The following PTPN12 variants were observed in gnomAD, a reference collection of about 807,000 sequenced individuals.
The protein encoded by PTPN12 is protein tyrosine phosphatase non-receptor type 12, also known as tyrosine-protein phosphatase non-receptor type 12.
A neutral mutation model predicts 97.6 loss-of-function variants in PTPN12; 29 were observed. The ratio of observed to expected loss-of-function variants is 0.30; its 90% CI spans 0.22 to 0.41. The LOEUF (loss-of-function observed/expected upper bound fraction) is 0.41. PTPN12 is among the 10% of genes least tolerant of loss of function. The pLI is 1.00. For missense variants in PTPN12, 819 were observed against 926.0 expected, an observed-to-expected ratio of 0.88 and a Z score of 1.50; for synonymous variants, 327 against 300.4, an observed-to-expected ratio of 1.09 and a Z score of -0.91.
At position 77,637,067 on chromosome 7, in the gene PTPN12, T is replaced by C. The variant is rs751700937; in HGVS notation, c.2173+19T>C. 12 of 1,590,628 alleles carry C rather than the reference T, an allele frequency of 7.5e-6. No homozygotes were observed. In the Admixed American group the frequency reaches 1.0e-4, roughly 13 times the overall value. On this transcript the variant is annotated intron_variant, in intron 16 of 17. Transcript: ENST00000248594. The stretch of plus-strand genomic sequence containing the variant: ...AAATGTGGTAAGTTGTTAGATTTTT[T>C]TTTTCCTTTTTACTGTAGATTTTAT...
At chr7:77,598,908 AAGTT>A (rs1335636123) in intron 7 of PTPN12, among the ~76,000 whole-genome samples, 1 of 151,084 alleles carries the variant, frequency 6.6e-6, no homozygotes, top group Admixed American at 6.6e-5. Flanking sequence ...AAAGCATGTG[AAGTT>A]AGTTTTTGTC....
intron 5 of PTPN12, among the ~76,000 whole-genome samples, chr7:77,586,709 T>C (rs1312492097): frequency 1.3e-5 from 2 of 152,248 alleles, no homozygotes; most frequent in Non-Finnish European, 2.9e-5. Context: ...ACAGTAGAAC[T>C]ACTTGGCAAA....
chr7:77,540,459 A>C (rs1806911754), intron 1 of PTPN12, among the ~76,000 whole-genome samples: 1 of 151,454 alleles, frequency 6.6e-6, no homozygotes, highest in African/African-American at 2.4e-5. Context: ...ACTGGTCTTG[A>C]ACTTTCATCT....
At chr7:77,595,751 G>A (rs1788003060) in intron 6 of PTPN12, among the ~76,000 whole-genome samples, 1 of 152,018 alleles carries the variant, frequency 6.6e-6, no homozygotes, top group Non-Finnish European at 1.5e-5. Context: ...ATTAAAGCAG[G>A]TATAATAGTA....
chr7:77,598,471 C>T (rs1201225126), intron 7 of PTPN12, among the ~76,000 whole-genome samples: 5 of 152,058 alleles, frequency 3.3e-5, no homozygotes, highest in African/African-American at 9.7e-5. Flanking sequence ...CACTTGAGGC[C>T]AGGAGTTCAA....
intron 14 of PTPN12, among the ~76,000 whole-genome samples, chr7:77,633,412 A>G (rs1174422433): frequency 6.6e-6 from 1 of 152,068 alleles, no homozygotes; most frequent in Non-Finnish European, 1.5e-5. Flanking sequence ...CATCAAGACC[A>G]TCCTGGCTAA....
chr7:77,619,137 TG>T (rs1254260001), intron 12 of PTPN12, among the ~76,000 whole-genome samples: 1 of 152,168 alleles, frequency 6.6e-6, no homozygotes, highest in Non-Finnish European at 1.5e-5. Flanking sequence ...CATTTAGCTC[TG>T]GGATCTAGGA....
intron 1 of PTPN12, among the ~76,000 whole-genome samples, chr7:77,546,664 C>G (rs997994963): frequency 6.6e-6 from 1 of 152,070 alleles, no homozygotes; most frequent in Non-Finnish European, 1.5e-5. Context: ...CTGTATTAGT[C>G]CATTTTCACA....
chr7:77,637,870 A>C (rs574110127), intron 16 of PTPN12, among the ~76,000 whole-genome samples: 5 of 151,132 alleles, frequency 3.3e-5, no homozygotes, highest in East Asian at 3.9e-4. Flanking sequence ...AAAAAAAAAA[A>C]AAAAAACAAG....
chr7:77,618,570 T>C lies in PTPN12; in HGVS notation c.1025+5T>C. The C allele has an allele frequency of 6.3e-7, 1 of 1,583,190 alleles. No homozygotes were observed. Among genetic ancestry groups the C allele is most frequent in the Non-Finnish European group, 8.7e-7 (1 of 1,154,142 alleles). On this transcript the variant is annotated splice_donor_5th_base_variant and intron_variant, in intron 12 of 17. Transcript: ENST00000248594. ...AAAACCACCAAGGACCCGCAGGTAT[T>C]GTATGTCTTCGAACATTTTCTTTAA...
rs1789726177 is a variant in PTPN12 at position 77,639,575 on chromosome 7, ACTC to A, written c.*296_*298del. The A allele has an allele frequency of 6.9e-6, 2 of 291,320 alleles. No individual in the cohort carries two copies. Among genetic ancestry groups the A allele is most frequent in the Non-Finnish European group, 6.3e-6 (1 of 157,870 alleles). The allele number at this position is 291,320 out of a possible 1,614,324, so 18.0% of individuals were successfully genotyped here. A position where few individuals can be genotyped will look rare whatever the true frequency, so the allele number is the denominator to read the frequency against. On this transcript the variant is annotated 3_prime_UTR_variant, in exon 18 of 18. Transcript: ENST00000248594. ...TTATGATATATTGAGTTTAAGGACTACTCTTTTTCTGTTTTATCATGTATGCAT... is the reference window on the plus strand; with the variant it reads ...TTATGATATATTGAGTTTAAGGACTATTTTTCTGTTTTATCATGTATGCAT...
chr7:77,606,527 G>T (rs1276445633), intron 8 of PTPN12, among the ~76,000 whole-genome samples: 1 of 151,656 alleles, frequency 6.6e-6, no homozygotes, highest in African/African-American at 2.4e-5. Flanking sequence ...CTCCCAAAGT[G>T]CTGGGACAAC....
intron 11 of PTPN12, among the ~76,000 whole-genome samples, chr7:77,617,008 C>G (rs1182587992): frequency 6.6e-6 from 1 of 152,124 alleles, no homozygotes; most frequent in Non-Finnish European, 1.5e-5. Flanking sequence ...GTCTCGAACT[C>G]TAGACCTCAA....
intron 11 of PTPN12, among the ~76,000 whole-genome samples, chr7:77,613,737 C>A (rs1788654210): frequency 6.6e-6 from 1 of 151,816 alleles, no homozygotes. Context: ...GGGTACATCA[C>A]CTTGCCGAGT....
In PTPN12 at chr7:77,574,241, C is replaced by T. The variant is rs148596065; in HGVS notation, c.208+3055C>T. The stretch of plus-strand genomic sequence containing the variant: ...AGCAGAGAATAGAAGGGTAAGTTTA[C>T]AGTTTTGGCTGGGGTAGTGGGAAAG... On this transcript the variant is annotated intron_variant, in intron 2 of 17. Coordinates refer to ENST00000248594, the MANE Select transcript of PTPN12 (RefSeq NM_002835.4). Among the ~76,000 whole-genome samples the T allele has an allele frequency of 5.4e-3, 824 of 152,258 alleles. 7 individuals carry two copies. The highest frequency in any genetic ancestry group is 0.019 in the African/African-American group (777 of 41,552).
intron 12 of PTPN12, among the ~76,000 whole-genome samples, chr7:77,623,923 T>G (rs1363819089): frequency 6.6e-6 from 1 of 152,194 alleles, no homozygotes; most frequent in Non-Finnish European, 1.5e-5. Flanking sequence ...CAATTATTTT[T>G]GTTTTAGATC....
At chr7:77,574,760 C>G (rs116990766) in intron 2 of PTPN12, among the ~76,000 whole-genome samples, 1,848 of 152,226 alleles carry the variant, frequency 0.012, 13 homozygotes, top group Middle Eastern at 0.034. Flanking sequence ...TTGACAGTGC[C>G]TTTTTTCCTT....
rs781264909 is a variant in PTPN12 at position 77,627,179 on chromosome 7, A to G, written c.1500A>G (p.Val500=). 1 of 1,614,192 alleles carries G rather than the reference A, an allele frequency of 6.2e-7. No homozygotes were observed. Among genetic ancestry groups the G allele is most frequent in the Admixed American group, 1.7e-5 (1 of 60,028 alleles). ...AGAATTCTTGTGTGGACTGCAGTGT[A>G]ACACAATCAAACAAAGTTTCAGTTA... ...TSQNSCVDCS[V]TQSNKVSVTP... is the part of the protein sequence containing the mutation. Residue 500 remains valine, a synonymous_variant, in exon 13 of 18, where the codon GTA becomes GTG. Coordinates refer to ENST00000248594, the MANE Select transcript of PTPN12 (RefSeq NM_002835.4).
chr7:77,620,426 G>A (rs2077080402), intron 12 of PTPN12, among the ~76,000 whole-genome samples: 1 of 152,146 alleles, frequency 6.6e-6, no homozygotes, highest in African/African-American at 2.4e-5. Context: ...TATAATACAT[G>A]CATAGGTCAC....
Sources: gnomAD v4.1 joint callset for allele counts (sites outside exome capture counted in the v4.1 genomes callset) on GRCh38, gnomAD v4.1.1 for gene constraint, MANE v1.5 for transcripts, NCBI Gene and HGNC (gene_info 2026-07-23, HGNC 2026-07-21) for gene names.